ROBO1: variants seen among roughly 807,000 people sequenced by gnomAD.
The protein encoded by ROBO1 is roundabout homolog 1.
A neutral mutation model predicts 195.9 loss-of-function variants in ROBO1; 149 were observed. That is an observed-to-expected ratio of 0.76 (90% confidence interval 0.67 to 0.87). ROBO1 has a LOEUF of 0.87. Among genes scored for constraint, ROBO1 ranks in the 40% least tolerant of loss-of-function variants. The pLI, the probability that ROBO1 is intolerant of heterozygous loss-of-function variation, is 0.00. For synonymous variants in ROBO1, 816 were observed against 733.2 expected, an observed-to-expected ratio of 1.11 and a Z score of -1.82; for missense variants, 1,933 against 2,068.3, an observed-to-expected ratio of 0.93 and a Z score of 1.27.
At chr3:79,624,935 C>T (rs1376081654) in intron 1 of ROBO1, among the ~76,000 whole-genome samples, 1 of 152,146 alleles carries the variant, frequency 6.6e-6, no homozygotes, top group East Asian at 1.9e-4. Flanking sequence ...CTAAAATCGA[C>T]CACATAATTG....
At chr3:79,498,081 T>C (rs1162601317) in intron 2 of ROBO1, among the ~76,000 whole-genome samples, 4 of 152,162 alleles carry the variant, frequency 2.6e-5, no homozygotes, top group African/African-American at 4.8e-5. Flanking sequence ...ACCAACACAG[T>C]ATTTTATGAA....
chr3:79,177,990 C>T (rs889243467), intron 2 of ROBO1, among the ~76,000 whole-genome samples: 2 of 152,272 alleles, frequency 1.3e-5, no homozygotes, highest in East Asian at 1.9e-4. Context: ...AACAAGCTCT[C>T]TTTTACCTGC....
chr3:79,762,034 T>C (rs975151857), intron 1 of ROBO1, among the ~76,000 whole-genome samples: 1 of 152,166 alleles, frequency 6.6e-6, no homozygotes, highest in Non-Finnish European at 1.5e-5. Context: ...ATGGACAAAG[T>C]TTGAGACATA....
chr3:78,676,991 A>C (rs1708476739), intron 10 of ROBO1, among the ~76,000 whole-genome samples: 1 of 152,186 alleles, frequency 6.6e-6, no homozygotes, highest in Non-Finnish European at 1.5e-5. Flanking sequence ...CAGAAACCCT[A>C]CAAGCCAGAA....
At chr3:78,632,745 C>G (rs1705256683) in intron 24 of ROBO1, among the ~76,000 whole-genome samples, 1 of 152,140 alleles carries the variant, frequency 6.6e-6, no homozygotes. Context: ...AACCTAGAAT[C>G]ATTGTTTATT....
At chr3:79,336,802 C>T (rs1027259738) in intron 2 of ROBO1, among the ~76,000 whole-genome samples, 1 of 152,200 alleles carries the variant, frequency 6.6e-6, no homozygotes, top group African/African-American at 2.4e-5. Context: ...CCTGTGAAAG[C>T]AGCTGGAAGG....
chr3:79,756,549 T>C (rs1457828556), intron 1 of ROBO1, among the ~76,000 whole-genome samples: 3 of 27,736 alleles, frequency 1.1e-4, no homozygotes, highest in African/African-American at 4.6e-4. Flanking sequence ...AAGCACCATC[T>C]CAAAAAAAAA....
intron 2 of ROBO1, among the ~76,000 whole-genome samples, chr3:79,485,512 A>G (rs1939112658): frequency 6.6e-6 from 1 of 152,142 alleles, no homozygotes; most frequent in Admixed American, 6.6e-5. Flanking sequence ...CTAATACAAA[A>G]TTTAGTGTTC....
intron 2 of ROBO1, among the ~76,000 whole-genome samples, chr3:79,359,494 C>T (rs557169002): frequency 6.6e-6 from 1 of 152,062 alleles, no homozygotes; most frequent in East Asian, 1.9e-4. Flanking sequence ...TATATAATTG[C>T]TTCTAAAAAC....
chr3:79,146,347 T>C (rs10865573), intron 2 of ROBO1, among the ~76,000 whole-genome samples: 110,708 of 151,704 alleles, frequency 0.73, 40,547 homozygotes, highest in East Asian at 0.79. Context: ...GGAAAAGAAA[T>C]GGTCCGTAAA....
intron 5 of ROBO1, among the ~76,000 whole-genome samples, chr3:78,733,720 A>G (rs544475524): frequency 1.3e-5 from 2 of 152,308 alleles, no homozygotes; most frequent in African/African-American, 4.8e-5. Context: ...AATTTGGCAA[A>G]CTACTTTAAC....
intron 1 of ROBO1, among the ~76,000 whole-genome samples, chr3:79,688,755 A>T (rs1041416852): frequency 2.6e-5 from 4 of 151,892 alleles, no homozygotes; most frequent in Non-Finnish European, 5.9e-5. Context: ...AAGTTTTATT[A>T]AAAAAAATTC....
At chr3:79,694,678 G>C (rs1018980595) in intron 1 of ROBO1, among the ~76,000 whole-genome samples, 1 of 151,722 alleles carries the variant, frequency 6.6e-6, no homozygotes, top group Non-Finnish European at 1.5e-5. Flanking sequence ...ATAAGTTCTA[G>C]ATTACATCTT....
At chr3:78,745,109 A>G (rs2082624988) in intron 5 of ROBO1, among the ~76,000 whole-genome samples, 3 of 152,022 alleles carry the variant, frequency 2.0e-5, no homozygotes, top group African/African-American at 4.8e-5. Flanking sequence ...GAAGATCGAG[A>G]CCATCCTGGC....
intron 3 of ROBO1, among the ~76,000 whole-genome samples, chr3:79,093,842 T>C (rs999952218): frequency 2.6e-5 from 4 of 151,848 alleles, no homozygotes; most frequent in African/African-American, 9.7e-5. Flanking sequence ...ATTTAAGAAG[T>C]GGACAGAAAA....
intron 2 of ROBO1, among the ~76,000 whole-genome samples, chr3:79,377,457 G>A (rs571520642): frequency 6.6e-6 from 1 of 152,286 alleles, no homozygotes; most frequent in African/African-American, 2.4e-5. Context: ...ATGATTTTTA[G>A]TAGTAGTTGG....
chr3:78,993,172 G>GA (rs2077276874), intron 3 of ROBO1, among the ~76,000 whole-genome samples: 1 of 152,184 alleles, frequency 6.6e-6, no homozygotes, highest in African/African-American at 2.4e-5. Context: ...TCACACTTGT[G>GA]AATCTGACAT....
At chr3:78,848,947 T>A (rs140795697) in intron 4 of ROBO1, among the ~76,000 whole-genome samples, 2 of 152,086 alleles carry the variant, frequency 1.3e-5, no homozygotes, top group East Asian at 1.9e-4. Context: ...ACCATAGTAA[T>A]GGTGGTGGAA....
intron 1 of ROBO1, among the ~76,000 whole-genome samples, chr3:79,739,646 T>C (rs1398977374): frequency 6.6e-6 from 1 of 152,144 alleles, no homozygotes; most frequent in Non-Finnish European, 1.5e-5. Context: ...ACAAAAATCC[T>C]AAGTCATAGA....
Sources: gnomAD v4.1 joint callset for allele counts (sites outside exome capture counted in the v4.1 genomes callset) on GRCh38, gnomAD v4.1.1 for gene constraint, MANE v1.5 for transcripts, NCBI Gene and HGNC (gene_info 2026-07-23, HGNC 2026-07-21) for gene names.